RNF19A: variants seen among roughly 807,000 people sequenced by gnomAD.
RNF19A encodes the protein E3 ubiquitin-protein ligase RNF19A.
RNF19A carries 32 observed loss-of-function variants against 75.7 expected under a neutral mutation model. The ratio of observed to expected loss-of-function variants is 0.42; its 90% CI spans 0.32 to 0.57. The LOEUF (loss-of-function observed/expected upper bound fraction) is 0.57, where lower values mean the gene tolerates loss of function less well. RNF19A is among the 20% of genes least tolerant of loss of function. The pLI, the probability that RNF19A is intolerant of heterozygous loss-of-function variation, is 0.10. For missense variants in RNF19A, 782 were observed against 1,036.3 expected (o/e 0.75, Z 3.37); for synonymous variants, 335 against 345.2 (o/e 0.97, Z 0.33).
chr8:100,319,760 C>G (rs1822437549), intron 1 of RNF19A, among the ~76,000 whole-genome samples: 1 of 151,512 alleles, frequency 6.6e-6, no homozygotes, highest in Admixed American at 6.6e-5. Flanking sequence ...CATCTCCTGA[C>G]CTCAGGTGGC....
chr8:100,311,258 G>A (rs1822286578), upstream of RNF19A, among the ~76,000 whole-genome samples: 1 of 152,186 alleles, frequency 6.6e-6, no homozygotes, highest in South Asian at 2.1e-4. Context: ...CTTAAAGGAA[G>A]TAATTATGGG....
In RNF19A at chr8:100,317,035, C is replaced by A. The variant is rs1822391215; in HGVS notation, c.-242-3663G>T. Among the ~76,000 whole-genome samples, 1 of 152,238 alleles carries A rather than the reference C, an allele frequency of 6.6e-6. No homozygotes were observed. Among genetic ancestry groups the A allele is most frequent in the Non-Finnish European group, 1.5e-5 (1 of 68,032 alleles). On this transcript the variant is annotated intron_variant, in intron 1 of 3. Transcript: ENST00000519527. This position sits in a 1 kb window ranked among gnomAD's most constrained non-coding sequence, Gnocchi z 4.3. ...GGCCCGGGTGCTAAGTCCCTCATTG[C>A]CCGGGACCAGCAGCGCTGCCCGGCT...
At chr8:100,326,947 G>A (rs913536593) in intron 1 of RNF19A, among the ~76,000 whole-genome samples, 1 of 152,186 alleles carries the variant, frequency 6.6e-6, no homozygotes. Context: ...AAAATAATCA[G>A]CAGAGGAGCC....
In RNF19A at chr8:100,268,973, T is replaced by C. The variant is rs1586608674; in HGVS notation, c.1029-26A>G. The C allele has an allele frequency of 3.9e-6, 6 of 1,544,266 alleles. No individual in the cohort carries two copies. The East Asian group carries it at 1.4e-4, about 36-fold the overall frequency. ...CTAACGGAAAAAATTATAATGTAAATAACTGCTGCAAAACACCACAATAAC... is the reference window on the plus strand; with the variant it reads ...CTAACGGAAAAAATTATAATGTAAACAACTGCTGCAAAACACCACAATAAC... On this transcript the variant is annotated intron_variant, in intron 4 of 9. Coordinates refer to ENST00000341084, the MANE Select transcript of RNF19A (RefSeq NM_183419.4).
chr8:100,287,895 T>G lies in RNF19A; in HGVS notation c.280A>C (p.Ile94Leu). The change falls in exon 2 of 10, where the codon ATT becomes CTT. Residue 94 changes from isoleucine (I) to leucine (L), a missense_variant. Physicochemically the swap from Ile to Leu is conservative, Grantham distance 5 (BLOSUM62 2). Coordinates refer to ENST00000341084, the MANE Select transcript of RNF19A (RefSeq NM_183419.4). This position sits in a 1 kb window ranked among gnomAD's most constrained non-coding sequence, Gnocchi z 4.1. ...CACATTTCAGAATGTATACTTTCAA[T>G]ACTTGCAATTCCATCCACCCCGCCA... ...LNGGVDGIAS[I>L]ESIHSEMCTD... 3.7e-6 allele frequency: 6 copies of G among 1,614,238 alleles called. No homozygotes were observed. Among genetic ancestry groups the G allele is most frequent in the Non-Finnish European group, 5.1e-6 (6 of 1,180,044 alleles).
chr8:100,311,957 A>C (rs1043674536), upstream of RNF19A, among the ~76,000 whole-genome samples: 7 of 152,198 alleles, frequency 4.6e-5, no homozygotes, highest in Non-Finnish European at 8.8e-5. Context: ...CTATTAAAAA[A>C]CAAATACCTA....
intron 1 of RNF19A, among the ~76,000 whole-genome samples, chr8:100,316,079 G>C (rs1230946560): frequency 6.6e-6 from 1 of 152,068 alleles, no homozygotes; most frequent in Non-Finnish European, 1.5e-5. Flanking sequence ...GATGTGTTCG[G>C]AGTTTCTTCT....
At chr8:100,299,587 C>G (rs1296750965) in intron 1 of RNF19A, among the ~76,000 whole-genome samples, 5 of 152,276 alleles carry the variant, frequency 3.3e-5, no homozygotes, top group Non-Finnish European at 7.4e-5. Flanking sequence ...TGGTGAAACA[C>G]TGTCTCTACT....
intron 1 of RNF19A, among the ~76,000 whole-genome samples, chr8:100,315,873 G>A (rs1430237413): frequency 1.3e-5 from 2 of 152,194 alleles, no homozygotes; most frequent in Non-Finnish European, 2.9e-5. Flanking sequence ...TTTCTATGGG[G>A]TTGGGGTGCT....
At chr8:100,310,320 C>T, upstream of RNF19A, 1 of 856,180 alleles carries the variant, frequency 1.2e-6, no homozygotes, top group Non-Finnish European at 1.4e-6. Context: ...GCCCCGACTG[C>T]GGCCCCCACG....
At chr8:100,309,759 G>A in intron 1 of RNF19A, 108 bp downstream of exon 1, 2 of 985,236 alleles carry the variant, frequency 2.0e-6, no homozygotes, top group Non-Finnish European at 2.4e-6. Context: ...TCTGTCCCGG[G>A]CAGGGGCGCT....
intron 1 of RNF19A, among the ~76,000 whole-genome samples, chr8:100,305,859 G>T (rs778479512): frequency 4.6e-5 from 7 of 151,972 alleles, no homozygotes; most frequent in Admixed American, 2.0e-4. Context: ...CATTTTCAGG[G>T]GCAAATACCA....
At chr8:100,272,100 A>T (rs1323157020) in intron 3 of RNF19A, among the ~76,000 whole-genome samples, 1 of 152,220 alleles carries the variant, frequency 6.6e-6, no homozygotes, top group Non-Finnish European at 1.5e-5. Context: ...GTAAGGGGAC[A>T]GAGGCAGGAG....
intron 5 of RNF19A, among the ~76,000 whole-genome samples, chr8:100,266,573 C>G (rs1485345262): frequency 6.6e-6 from 1 of 152,138 alleles, no homozygotes; most frequent in Non-Finnish European, 1.5e-5. Flanking sequence ...TGCAGTGGCA[C>G]GATCACAGCT....
chr8:100,296,091 CT>C (rs1448795157), intron 1 of RNF19A, among the ~76,000 whole-genome samples: 2 of 152,106 alleles, frequency 1.3e-5, no homozygotes, highest in South Asian at 2.1e-4. Context: ...GGGCATTATT[CT>C]TTTTTTTCTT....
At chr8:100,299,677 T>C (rs886116006) in intron 1 of RNF19A, among the ~76,000 whole-genome samples, 23 of 152,152 alleles carry the variant, frequency 1.5e-4, no homozygotes, top group African/African-American at 5.3e-4. Flanking sequence ...AAGAATTGCT[T>C]GAACCCAGGA....
At chr8:100,334,144 C>T (rs1289970526) in intron 1 of RNF19A, among the ~76,000 whole-genome samples, 3 of 152,328 alleles carry the variant, frequency 2.0e-5, no homozygotes, top group East Asian at 1.9e-4. Context: ...GAGGTTCCAC[C>T]TTCTCCATCT....
chr8:100,315,334 A>G (rs1412553003), intron 1 of RNF19A, among the ~76,000 whole-genome samples: 1 of 152,194 alleles, frequency 6.6e-6, no homozygotes, highest in East Asian at 1.9e-4. Flanking sequence ...AGGACAAGGT[A>G]CCATTAATTG....
intron 2 of RNF19A, among the ~76,000 whole-genome samples, chr8:100,286,643 G>A (rs1403308905): frequency 6.6e-6 from 1 of 152,136 alleles, no homozygotes; most frequent in East Asian, 1.9e-4. Flanking sequence ...GAGTCTTGAA[G>A]TTGTAATTTG....
Sources: gnomAD v4.1 joint callset for allele counts (sites outside exome capture counted in the v4.1 genomes callset) on GRCh38, gnomAD v4.1.1 for gene constraint, Gnocchi (gnomAD v3.1) non-coding constraint, MANE v1.5 for transcripts, NCBI Gene and HGNC (gene_info 2026-07-23, HGNC 2026-07-21) for gene names.